Variants in RASL11A observed in about 807,000 individuals in gnomAD.
The protein encoded by RASL11A is RAS like family 11 member A.
Under a neutral mutation model 17.1 loss-of-function variants are expected in RASL11A, and 14 were observed. That is an observed-to-expected ratio of 0.82 (90% CI 0.54 to 1.28). The LOEUF is 1.28. RASL11A is among the 50% of genes most tolerant of loss of function. The pLI, the probability that RASL11A is intolerant of heterozygous loss-of-function variation, is 0.00. For synonymous variants in RASL11A, 146 were observed against 132.5 expected (o/e 1.10, Z -0.70); for missense variants, 283 against 312.3 (o/e 0.91, Z 0.71).
In RASL11A at chr13:27,273,185, C is replaced by T. The variant is rs1214719186; in HGVS notation, c.420C>T (p.Ala140=). Residue 140 remains alanine, a synonymous_variant, in exon 4 of 4, where the codon GCC becomes GCT. Coordinates refer to ENST00000241463, the MANE Select transcript of RASL11A (RefSeq NM_206827.2). ...HIRKVHPDSK[A]PVIIVGNKGD... ...GGAAGGTCCACCCTGACTCTAAAGC[C>T]CCTGTCATCATCGTGGGCAACAAGG... The T allele has an allele frequency of 1.9e-6, 3 of 1,614,108 alleles. No homozygotes were observed. Among genetic ancestry groups the T allele is most frequent in the African/African-American group, 2.7e-5 (2 of 74,926 alleles).
chr13:27,273,419 CA>C lies in RASL11A; in HGVS notation c.656del (p.Asn219ThrfsTer5). On this transcript the variant is annotated frameshift_variant, in exon 4 of 4. Transcript: ENST00000241463. LOFTEE classifies it high-confidence loss of function. ...CCATCATCCCTCGGCCCCGCTCTCC[CA>C]ACATGCAGGACCTGAAGAGACGCTT... ...ASIIPRPRSPNMQDLKRRFKQ... is the reference protein window; with the variant it reads ...ASIIPRPRSPXMQDLKRRFKQ... 6.2e-7 allele frequency: 1 copy of C among 1,614,216 alleles called. No homozygotes were observed. The highest frequency in any genetic ancestry group is 8.5e-7 in the Non-Finnish European group (1 of 1,180,040).
chr13:27,271,505 C>T lies in RASL11A; in HGVS notation c.146C>T (p.Thr49Ile). The T allele has an allele frequency of 6.2e-7, 1 of 1,614,222 alleles. No individual in the cohort carries two copies. The highest frequency in any genetic ancestry group is 8.5e-7 in the Non-Finnish European group (1 of 1,180,036). ...TCAGCAATGATCGTGCGCTTCCTGA[C>T]CAAGAGATTCATTGGAGACTATGAA... Reference protein sequence around the residue: ...GKSAMIVRFLTKRFIGDYEPN... With the variant: ...GKSAMIVRFLIKRFIGDYEPN... The change falls in exon 2 of 4, where the codon ACC becomes ATC. Residue 49 changes from threonine to isoleucine, a missense_variant. Physicochemically the swap from Thr to Ile is moderately conservative, Grantham distance 89. Transcript: ENST00000241463.
chr13:27,274,631 A>G lies in RASL11A; in HGVS notation c.*1137A>G, dbSNP rs906482375. Among the ~76,000 whole-genome samples the G allele has an allele frequency of 2.6e-5, 4 of 152,172 alleles. No individual in the cohort carries two copies. The highest frequency in any genetic ancestry group is 4.4e-5 in the Non-Finnish European group (3 of 68,022). The stretch of plus-strand genomic sequence containing the variant: ...CATAATGGCTTGCTAACTCATCTTT[A>G]AAAACCCAAGTCACATGCTATATTC... On this transcript the variant is annotated 3_prime_UTR_variant, in exon 4 of 4. Coordinates refer to ENST00000241463, the MANE Select transcript of RASL11A (RefSeq NM_206827.2).
At chr13:27,271,746 A>AC in intron 3 of RASL11A, 28 bp downstream of exon 3, 1 of 1,576,432 alleles carries the variant, frequency 6.3e-7, no homozygotes, top group Non-Finnish European at 8.6e-7. Flanking sequence ...CAAACAGCTC[A>AC]CCCCCACCCG....
intron 3 of RASL11A, among the ~76,000 whole-genome samples, chr13:27,272,595 A>G (rs1021945506): frequency 2.6e-5 from 4 of 152,220 alleles, no homozygotes; most frequent in African/African-American, 9.6e-5. Flanking sequence ...AACCCTAAGA[A>G]AGGAATTTCT....
Position 27,273,665 on chromosome 13 carries a change from A to ATTTTGT in RASL11A, c.*175_*180dup. On this transcript the variant is annotated 3_prime_UTR_variant, in exon 4 of 4. Transcript: ENST00000241463. Reference sequence around the variant, plus strand: ...AGTGATTGCCTAGAAGCTGGATAAAATTTTGTTTTGTTTTATTAAAAGAAC... The same window carrying ATTTTGT: ...AGTGATTGCCTAGAAGCTGGATAAAATTTTGTTTTTGTTTTGTTTTATTAAAAGAAC... 1 of 349,880 alleles carries ATTTTGT rather than the reference A, an allele frequency of 2.9e-6. No homozygotes were observed. The highest frequency in any genetic ancestry group is 8.0e-4 in the Middle Eastern group (1 of 1,254). The allele number at this position is 349,880 out of a possible 1,614,324, so 21.7% of individuals were successfully genotyped here. A position where few individuals can be genotyped will look rare whatever the true frequency, so the allele number is the denominator to read the frequency against.
rs1882422733 is a variant in RASL11A at position 27,274,577 on chromosome 13, T to C, written c.*1083T>C. 6.6e-6 allele frequency among the ~76,000 whole-genome samples: 1 copy of C among 152,172 alleles called. No individual in the cohort carries two copies. Among genetic ancestry groups the C allele is most frequent in the Non-Finnish European group, 1.5e-5 (1 of 68,034 alleles). The stretch of plus-strand genomic sequence containing the variant: ...TCCTGCCTTGGCACAAACTATCCCT[T>C]TGCCTCAAATATTTTTTCTGATTCT... On this transcript the variant is annotated 3_prime_UTR_variant, in exon 4 of 4. Coordinates refer to ENST00000241463, the MANE Select transcript of RASL11A (RefSeq NM_206827.2).
chr13:27,271,189 G>A, intron 1 of RASL11A, 121 bp downstream of exon 1: 1 of 1,462,866 alleles, frequency 6.8e-7, no homozygotes. Flanking sequence ...GTAGAATCGG[G>A]CTGCTTTCGC....
At chr13:27,272,430 G>C (rs1302938945) in intron 3 of RASL11A, among the ~76,000 whole-genome samples, 1 of 152,148 alleles carries the variant, frequency 6.6e-6, no homozygotes, top group Non-Finnish European at 1.5e-5. Context: ...ACAGCGCCCG[G>C]CCCAAGCACT....
At position 27,273,499 on chromosome 13, in the gene RASL11A, T is replaced by G. The variant is rs759722010; in HGVS notation, c.*5T>G. On this transcript the variant is annotated 3_prime_UTR_variant, in exon 4 of 4. Coordinates refer to ENST00000241463, the MANE Select transcript of RASL11A (RefSeq NM_206827.2). ...GCCCCCTCTGCACTGGGGTGAACTATCTCAGACAGATGCCTCTCCTTTTTA... is the reference window on the plus strand; with the variant it reads ...GCCCCCTCTGCACTGGGGTGAACTAGCTCAGACAGATGCCTCTCCTTTTTA... 6.2e-7 allele frequency: 1 copy of G among 1,602,754 alleles called. No individual in the cohort carries two copies. The highest frequency in any genetic ancestry group is 8.5e-7 in the Non-Finnish European group (1 of 1,171,634).
intron 3 of RASL11A, among the ~76,000 whole-genome samples, chr13:27,272,557 G>A (rs1318902888): frequency 6.6e-6 from 1 of 152,170 alleles, no homozygotes; most frequent in Non-Finnish European, 1.5e-5. Flanking sequence ...TTGCTACTCC[G>A]TTCTCCAGAG....
At chr13:27,271,953 A>G (rs1415386383) in intron 3 of RASL11A, among the ~76,000 whole-genome samples, 1 of 152,212 alleles carries the variant, frequency 6.6e-6, no homozygotes, top group African/African-American at 2.4e-5. Flanking sequence ...CACCTGACTT[A>G]ACTTCACTTT....
intron 3 of RASL11A, among the ~76,000 whole-genome samples, chr13:27,272,419 C>T (rs1882323059): frequency 6.6e-6 from 1 of 152,184 alleles, no homozygotes; most frequent in African/African-American, 2.4e-5. Flanking sequence ...AGGCATGAGC[C>T]ACAGCGCCCG....
chr13:27,273,201 G>T lies in RASL11A; in HGVS notation c.436G>T (p.Gly146Cys), dbSNP rs1882353107. 6.2e-7 allele frequency: 1 copy of T among 1,614,008 alleles called. No individual in the cohort carries two copies. Among genetic ancestry groups the T allele is most frequent in the African/African-American group, 1.3e-5 (1 of 74,894 alleles). The change falls in exon 4 of 4, where the codon GGC becomes TGC. Residue 146 changes from glycine (G) to cysteine (C), a missense_variant. By Grantham distance (159) the Gly-to-Cys change is radical. Coordinates refer to ENST00000241463, the MANE Select transcript of RASL11A (RefSeq NM_206827.2). ...PDSKAPVIIV[G>C]NKGDLLHARQ... Reference sequence around the variant, plus strand: ...CTCTAAAGCCCCTGTCATCATCGTGGGCAACAAGGGGGACCTTTTGCATGC... The same window carrying T: ...CTCTAAAGCCCCTGTCATCATCGTGTGCAACAAGGGGGACCTTTTGCATGC...
rs1228623625 is a variant in RASL11A at position 27,271,033 on chromosome 13, T to C, written c.89T>C (p.Leu30Pro). Reference sequence around the variant, plus strand: ...TACCTACTGCCCAAGGACATCAAACTGGCGGTGCTGGGCGCCGGCCGCGTG... The same window carrying C: ...TACCTACTGCCCAAGGACATCAAACCGGCGGTGCTGGGCGCCGGCCGCGTG... ...SDYLLPKDIK[L>P]AVLGAGRVGK... Residue 30 changes from leucine (L) to proline (P), a missense_variant, in exon 1 of 4, where the codon CTG becomes CCG. By Grantham distance (98) the Leu-to-Pro change is moderately conservative. Transcript: ENST00000241463. 6.3e-7 allele frequency: 1 copy of C among 1,585,258 alleles called. No individual in the cohort carries two copies.
At position 27,273,273 on chromosome 13, in the gene RASL11A, G is replaced by A; in HGVS notation, c.508G>A (p.Gly170Ser). ...QDGIQLANEL[G>S]SLFLEISTSE... The stretch of plus-strand genomic sequence containing the variant: ...CGGTATTCAGCTAGCCAATGAGCTG[G>A]GCAGCCTGTTCCTTGAAATTTCCAC... The change falls in exon 4 of 4, where the codon GGC becomes AGC. Residue 170 changes from glycine (G) to serine (S), a missense_variant. Gly to Ser is a moderately conservative substitution (Grantham distance 56). Coordinates refer to ENST00000241463, the MANE Select transcript of RASL11A (RefSeq NM_206827.2). 2 of 1,614,228 alleles carry A rather than the reference G, an allele frequency of 1.2e-6. No homozygotes were observed. Among genetic ancestry groups the A allele is most frequent in the East Asian group, 2.2e-5 (1 of 44,884 alleles).
intron 1 of RASL11A, 85 bp downstream of exon 1, chr13:27,271,153 G>A: frequency 6.7e-7 from 1 of 1,490,150 alleles, no homozygotes; most frequent in Admixed American, 2.5e-5. Context: ...AGGGCGCCTC[G>A]GCCGAAGCAG....
Position 27,273,353 on chromosome 13 carries a change from G to T in RASL11A, c.588G>T (p.Val196=), listed in dbSNP as rs751408684. 6.2e-7 allele frequency: 1 copy of T among 1,614,212 alleles called. No homozygotes were observed. Among genetic ancestry groups the T allele is most frequent in the Non-Finnish European group, 8.5e-7 (1 of 1,180,044 alleles). Residue 196 remains valine, a synonymous_variant, in exon 4 of 4, where the codon GTG becomes GTT. Transcript: ENST00000241463. ...CDVFQHLCKE[V]SKMHGLSGER... is the part of the protein sequence containing the mutation. ...TGTTTCAGCATCTCTGCAAAGAAGT[G>T]AGCAAGATGCACGGCCTCAGTGGGG...
chr13:27,271,028 C>T lies in RASL11A; in HGVS notation c.84C>T (p.Ile28=), dbSNP rs373973836. 1.9e-6 allele frequency: 3 copies of T among 1,588,696 alleles called. No homozygotes were observed. The highest frequency in any genetic ancestry group is 2.6e-6 in the Non-Finnish European group (3 of 1,167,678). Residue 28 remains isoleucine, a synonymous_variant, in exon 1 of 4, where the codon ATC becomes ATT. Coordinates refer to ENST00000241463, the MANE Select transcript of RASL11A (RefSeq NM_206827.2). The part of the protein sequence containing the change: ...SSSDYLLPKD[I]KLAVLGAGRV... ...CGGACTACCTACTGCCCAAGGACAT[C>T]AAACTGGCGGTGCTGGGCGCCGGCC...
Sources: gnomAD v4.1 joint callset for allele counts (sites outside exome capture counted in the v4.1 genomes callset) on GRCh38, gnomAD v4.1.1 for gene constraint, MANE v1.5 for transcripts, NCBI Gene and HGNC (gene_info 2026-07-23, HGNC 2026-07-21) for gene names.